Variants in AATF observed in about 807,000 individuals in gnomAD.
AATF encodes apoptosis antagonizing transcription factor.
Under a neutral mutation model 63.7 loss-of-function variants are expected in AATF, and 48 were observed. The observed-to-expected ratio is 0.75, with a 90% confidence interval of 0.60 to 0.96. The LOEUF (loss-of-function observed/expected upper bound fraction) is 0.96. Among genes scored for constraint, AATF ranks in the 40% least tolerant of loss-of-function variants. The pLI, the probability that AATF is intolerant of heterozygous loss-of-function variation, is 0.00. For missense variants in AATF, 639 were observed against 685.7 expected (o/e 0.93, Z 0.76); for synonymous variants, 258 against 247.7 (o/e 1.04, Z -0.39).
In AATF at chr17:36,991,016, T is replaced by C. The variant is rs73286004; in HGVS notation, c.1398+159T>C. Among the ~76,000 whole-genome samples the C allele has an allele frequency of 1.5e-3, 221 of 152,350 alleles. 1 individual carries two copies. Among genetic ancestry groups the C allele is most frequent in the African/African-American group, 5.2e-3 (215 of 41,586 alleles). On this transcript the variant is annotated intron_variant, in intron 8 of 11. Transcript: ENST00000619387. The stretch of plus-strand genomic sequence containing the variant: ...AATTGACTTACAGTGTCATTGTGGA[T>C]TTGTTGCTTTTCTTCTATTTTATGT...
chr17:36,968,418 G>A (rs994737103), intron 4 of AATF, among the ~76,000 whole-genome samples: 4 of 150,322 alleles, frequency 2.7e-5, no homozygotes, highest in African/African-American at 9.8e-5. Flanking sequence ...GGGACTACAG[G>A]TGCACGCCAC....
Position 37,025,600 on chromosome 17 carries a change from G to A in AATF, c.1547+4586G>A, listed in dbSNP as rs139385632. ...AGAGAAATCACAAAAGGGCAGCATC[G>A]TTTCATTTGTGATCACATTTCTTCA... On this transcript the variant is annotated intron_variant, in intron 10 of 11. Transcript: ENST00000619387. Among the ~76,000 whole-genome samples the A allele has an allele frequency of 4.6e-3, 701 of 152,248 alleles. 1 individual carries two copies. The highest frequency in any genetic ancestry group is 0.016 in the African/African-American group (658 of 41,540).
intron 11 of AATF, among the ~76,000 whole-genome samples, chr17:37,038,297 G>T (rs977867630): frequency 2.6e-5 from 4 of 152,214 alleles, no homozygotes; most frequent in Admixed American, 6.5e-5. Context: ...GTCATTTGTT[G>T]TGTGGATGTA....
intron 8 of AATF, among the ~76,000 whole-genome samples, chr17:37,015,145 G>A (rs1003477913): frequency 1.3e-5 from 2 of 152,182 alleles, no homozygotes; most frequent in African/African-American, 4.8e-5. Context: ...TAAGAGTAAA[G>A]CATTAAAGTT....
intron 10 of AATF, among the ~76,000 whole-genome samples, chr17:37,024,996 G>C (rs2071500547): frequency 6.6e-6 from 1 of 152,094 alleles, no homozygotes; most frequent in Admixed American, 6.5e-5. Context: ...TTTCTATAAA[G>C]GACTAGAAAG....
chr17:36,975,604 A>G (rs987858516), intron 4 of AATF, among the ~76,000 whole-genome samples: 1 of 152,212 alleles, frequency 6.6e-6, no homozygotes, highest in Admixed American at 6.5e-5. Flanking sequence ...GTTTCTACCT[A>G]TTATAAACAA....
chr17:37,032,287 A>G (rs2071557753), intron 11 of AATF, among the ~76,000 whole-genome samples: 2 of 152,078 alleles, frequency 1.3e-5, no homozygotes, highest in East Asian at 1.9e-4. Flanking sequence ...ATTTATATCA[A>G]TATGGACTCA....
intron 4 of AATF, among the ~76,000 whole-genome samples, chr17:36,962,105 ATCT>A (rs1020918859): frequency 2.6e-5 from 4 of 152,210 alleles, no homozygotes; most frequent in South Asian, 4.2e-4. Context: ...GGTATTATTG[ATCT>A]TCTTTTTGCT....
At position 36,953,011 on chromosome 17, in the gene AATF, A is replaced by G. The variant is rs1347985889; in HGVS notation, c.409A>G (p.Lys137Glu). The G allele has an allele frequency of 1.9e-6, 3 of 1,614,076 alleles. No individual in the cohort carries two copies. The African/African-American group carries it at 4.0e-5, about 22-fold the overall frequency. Residue 137 changes from lysine to glutamate, a missense_variant, in exon 3 of 12, where the codon AAG becomes GAG. Transcript: ENST00000619387. ...EQECGDHRES[K>E]KSRSHSAKTP... The stretch of plus-strand genomic sequence containing the variant: ...GGAGTGTGGTGATCACAGGGAGAGC[A>G]AGAAGAGCAGAAGCCACTCTGCAAA...
chr17:36,951,627 G>T (rs1694058327), intron 2 of AATF, among the ~76,000 whole-genome samples: 1 of 152,184 alleles, frequency 6.6e-6, no homozygotes, highest in African/African-American at 2.4e-5. Flanking sequence ...AGGTCATATA[G>T]TTAGTAAGTG....
At chr17:36,962,937 G>C (rs2070959962) in intron 4 of AATF, among the ~76,000 whole-genome samples, 1 of 152,128 alleles carries the variant, frequency 6.6e-6, no homozygotes. Flanking sequence ...GTTCAACATG[G>C]TGAAATCCCC....
At chr17:36,972,804 C>T (rs557568563) in intron 4 of AATF, among the ~76,000 whole-genome samples, 2 of 151,936 alleles carry the variant, frequency 1.3e-5, no homozygotes, top group Non-Finnish European at 2.9e-5. Context: ...TGAGAACACT[C>T]AGTTTTAGGT....
intron 1 of AATF, among the ~76,000 whole-genome samples, chr17:36,950,002 A>T (rs1411892863): frequency 6.6e-6 from 1 of 152,254 alleles, no homozygotes; most frequent in African/African-American, 2.4e-5. Flanking sequence ...ATAGAAATAG[A>T]TCCCACTAGT....
intron 8 of AATF, among the ~76,000 whole-genome samples, chr17:37,007,359 A>ATT (rs71368436): frequency 3.4e-4 from 38 of 112,576 alleles, no homozygotes; most frequent in Non-Finnish European, 4.6e-4. Context: ...GGCTAATTTA[A>ATT]TTTTTTTTTT....
chr17:36,953,040 A>G lies in AATF; in HGVS notation c.438A>G (p.Thr146=). The part of the protein sequence containing the change: ...SKKSRSHSAK[T]PGFSVQSISD... ...AGAGCAGAAGCCACTCTGCAAAAAC[A>G]CCGGGCTTCAGTGTCCAGAGTATCA... Residue 146 remains threonine (T), a synonymous_variant, in exon 3 of 12, where the codon ACA becomes ACG. Transcript: ENST00000619387. The G allele has an allele frequency of 6.2e-7, 1 of 1,614,168 alleles. No individual in the cohort carries two copies.
At chr17:36,954,215 G>T (rs547076845) in intron 4 of AATF, among the ~76,000 whole-genome samples, 23 of 151,944 alleles carry the variant, frequency 1.5e-4, no homozygotes, top group Middle Eastern at 3.2e-3. Context: ...CTTCCGAGTA[G>T]CAGGGACCAC....
chr17:37,049,599 C>T (rs866961895), intron 11 of AATF, among the ~76,000 whole-genome samples: 30 of 144,392 alleles, frequency 2.1e-4, no homozygotes, highest in African/African-American at 7.6e-4. Flanking sequence ...AGCGAGACTC[C>T]GTCTCAAAAA....
At chr17:36,970,227 C>T (rs929328329) in intron 4 of AATF, among the ~76,000 whole-genome samples, 1 of 152,176 alleles carries the variant, frequency 6.6e-6, no homozygotes, top group Non-Finnish European at 1.5e-5. Context: ...ATTTTGCAGT[C>T]CCACCAGCAG....
intron 11 of AATF, among the ~76,000 whole-genome samples, chr17:37,049,485 G>C (rs1476083433): frequency 6.6e-6 from 1 of 151,982 alleles, no homozygotes; most frequent in Non-Finnish European, 1.5e-5. Context: ...GGCACCTGTA[G>C]TCCCAGGTAC....
Sources: allele counts gnomAD v4.1 joint callset (sites outside exome capture counted in the v4.1 genomes callset), GRCh38; gene constraint gnomAD v4.1.1; transcripts MANE v1.5; gene names NCBI Gene and HGNC (gene_info 2026-07-23, HGNC 2026-07-21).